MYBPC1: variants seen among roughly 807,000 people sequenced by gnomAD.
MYBPC1 encodes the protein myosin-binding protein C, slow-type.
MYBPC1 carries 52 observed loss-of-function variants against 147.1 expected under a neutral mutation model. The observed-to-expected ratio is 0.35, with a 90% CI of 0.28 to 0.45. The LOEUF is 0.45. Among genes scored for constraint, MYBPC1 ranks in the 20% least tolerant of loss-of-function variants. The pLI is 1.00. For synonymous variants in MYBPC1, 477 were observed against 475.9 expected (o/e 1.00, Z -0.03); for missense variants, 1,228 against 1,440.3 (o/e 0.85, Z 2.39).
chr12:101,634,887 A>G (rs1237997687), intron 9 of MYBPC1, among the ~76,000 whole-genome samples: 2 of 152,220 alleles, frequency 1.3e-5, no homozygotes, highest in Non-Finnish European at 2.9e-5. Context: ...ATTCATATGT[A>G]GCTTCCTCCT....
chr12:101,655,124 C>A (rs1287842351), intron 18 of MYBPC1, among the ~76,000 whole-genome samples: 8 of 149,840 alleles, frequency 5.3e-5, no homozygotes. Flanking sequence ...ATTAGAATAG[C>A]AGTCGAGCAT....
chr12:101,608,709 G>A (rs1440132133), intron 1 of MYBPC1, among the ~76,000 whole-genome samples: 3 of 152,182 alleles, frequency 2.0e-5, no homozygotes, highest in Admixed American at 6.5e-5. Flanking sequence ...GGGGAGCCCC[G>A]ATTTTAAAAG....
At chr12:101,607,947 C>T (rs1882874149) in intron 1 of MYBPC1, among the ~76,000 whole-genome samples, 1 of 152,176 alleles carries the variant, frequency 6.6e-6, no homozygotes, top group Non-Finnish European at 1.5e-5. Flanking sequence ...GAGGGCCAAG[C>T]CATTTATGGA....
intron 15 of MYBPC1, among the ~76,000 whole-genome samples, chr12:101,649,731 T>C (rs1235493455): frequency 1.3e-5 from 2 of 152,208 alleles, no homozygotes; most frequent in African/African-American, 4.8e-5. Flanking sequence ...CATATCCTGA[T>C]AATGTTAGCT....
chr12:101,672,894 G>A (rs959275280), intron 24 of MYBPC1, among the ~76,000 whole-genome samples: 2 of 152,096 alleles, frequency 1.3e-5, no homozygotes, highest in African/African-American at 4.8e-5. Context: ...TATGTATTGG[G>A]CAGAAGCTTT....
In MYBPC1 at chr12:101,636,736, C is replaced by T. The variant is rs199628742; in HGVS notation, c.665+8C>T. The T allele has an allele frequency of 6.3e-5, 102 of 1,612,170 alleles. No homozygotes were observed. Among genetic ancestry groups the T allele is most frequent in the Middle Eastern group, 1.6e-4 (1 of 6,080 alleles). On this transcript the variant is annotated splice_region_variant and intron_variant, in intron 10 of 31. Transcript: ENST00000361466. The stretch of plus-strand genomic sequence containing the variant: ...TGGTCTCCTGAAACGTAGGTGAGAA[C>T]AAAGTGATGGAGTGAGACATTGTGG...
At chr12:101,624,162 C>T (rs1010160842) in intron 3 of MYBPC1, among the ~76,000 whole-genome samples, 4 of 152,094 alleles carry the variant, frequency 2.6e-5, no homozygotes, top group Non-Finnish European at 5.9e-5. Context: ...CAGAGAGCTT[C>T]CTGTTAAGAA....
chr12:101,646,643 A>T, intron 12 of MYBPC1, 120 bp from the exon 13 acceptor site: 1 of 1,232,062 alleles, frequency 8.1e-7, no homozygotes, highest in Non-Finnish European at 1.2e-6. Flanking sequence ...TGTCTCAAAA[A>T]AAAACAACAG....
intron 1 of MYBPC1, among the ~76,000 whole-genome samples, chr12:101,601,099 A>G (rs1039752313): frequency 6.6e-6 from 1 of 152,240 alleles, no homozygotes; most frequent in Non-Finnish European, 1.5e-5. Context: ...CTGTTTATTC[A>G]TGAGGGGTTT....
chr12:101,654,994 A>G (rs1027129639), intron 18 of MYBPC1, among the ~76,000 whole-genome samples: 6 of 152,360 alleles, frequency 3.9e-5, no homozygotes, highest in South Asian at 2.1e-4. Flanking sequence ...AGCACCCAAC[A>G]TGACAAAATT....
intron 1 of MYBPC1, among the ~76,000 whole-genome samples, chr12:101,597,349 A>G (rs1409328114): frequency 6.6e-6 from 1 of 152,196 alleles, no homozygotes; most frequent in Non-Finnish European, 1.5e-5. Flanking sequence ...CAGGAAGGCC[A>G]TGACCACTTG....
chr12:101,661,321 T>C, intron 20 of MYBPC1, 59 bp downstream of exon 20: 3 of 1,072,494 alleles, frequency 2.8e-6, no homozygotes, highest in Non-Finnish European at 4.3e-6. Context: ...TCTTTACGCA[T>C]CTTAGTACAG....
At chr12:101,603,072 T>C (rs137872112) in intron 1 of MYBPC1, among the ~76,000 whole-genome samples, 2,809 of 152,192 alleles carry the variant, frequency 0.018, 84 homozygotes, top group African/African-American at 0.065. Flanking sequence ...TGGCCAGGCG[T>C]GGTGGCTCAT....
chr12:101,596,452 C>T (rs1179055618), intron 1 of MYBPC1, among the ~76,000 whole-genome samples: 6 of 152,228 alleles, frequency 3.9e-5, no homozygotes, highest in Admixed American at 3.9e-4. Context: ...TCACTTTAAC[C>T]TCTCCGAAGT....
Position 101,663,539 on chromosome 12 carries a change from C to G in MYBPC1, c.2335C>G (p.Leu779Val). The change falls in exon 22 of 32, where the codon CTA (leucine) becomes GTA (valine). Residue 779 changes from leucine to valine, a missense_variant. Around this residue, in one of 2 missense-constraint regions of MYBPC1, gnomAD observed 1,077 missense variants for 1,314.2 expected, o/e 0.82. Transcript: ENST00000361466. ...TGCAGCAGGTTTAGATGGCTATGTG[C>G]TAGAGTATTGCTTTGAAGGAAGTAA... is the stretch of plus-strand genomic sequence containing the variant. The part of the protein sequence containing the change: ...IGAAGLDGYV[L>V]EYCFEGTEDW... 6.2e-7 allele frequency: 1 copy of G among 1,613,978 alleles called. No homozygotes were observed. The highest frequency in any genetic ancestry group is 1.7e-5 in the Admixed American group (1 of 60,000).
downstream of MYBPC1, among the ~76,000 whole-genome samples, chr12:101,690,969 C>T (rs1269692256): frequency 6.6e-6 from 1 of 152,196 alleles, no homozygotes; most frequent in Non-Finnish European, 1.5e-5. Flanking sequence ...ATCACAAATA[C>T]CCCAGCCTGT....
At chr12:101,686,784 T>C (rs1951354250), downstream of MYBPC1, among the ~76,000 whole-genome samples, 1 of 152,186 alleles carries the variant, frequency 6.6e-6, no homozygotes, top group South Asian at 2.1e-4. Flanking sequence ...TCTATGGTGG[T>C]CATGGATCTG....
intron 1 of MYBPC1, among the ~76,000 whole-genome samples, chr12:101,599,850 T>C (rs1164291850): frequency 6.6e-6 from 1 of 152,196 alleles, no homozygotes; most frequent in Non-Finnish European, 1.5e-5. Flanking sequence ...CATGCTGTGC[T>C]GGAGATTCAT....
intron 3 of MYBPC1, among the ~76,000 whole-genome samples, chr12:101,626,598 C>T (rs1333402323): frequency 6.6e-6 from 1 of 152,148 alleles, no homozygotes; most frequent in Non-Finnish European, 1.5e-5. Flanking sequence ...TTTTTCCTAA[C>T]CTACAGTCAC....
Sources: allele counts gnomAD v4.1 joint callset (sites outside exome capture counted in the v4.1 genomes callset), GRCh38; gene constraint gnomAD v4.1.1; regional missense constraint gnomAD v4.1.1; transcripts MANE v1.5; gene names NCBI Gene and HGNC (gene_info 2026-07-23, HGNC 2026-07-21).